Variants in PHLDB2 observed in about 807,000 individuals in gnomAD.
PHLDB2 encodes the protein pleckstrin homology like domain family B member 2, also known as pleckstrin homology-like domain family B member 2.
PHLDB2 carries 71 observed loss-of-function variants against 123.6 expected under a neutral mutation model. The observed-to-expected ratio is 0.57, with a 90% CI of 0.47 to 0.70. The LOEUF (loss-of-function observed/expected upper bound fraction) is 0.70, where lower values mean the gene tolerates loss of function less well. Among genes scored for constraint, PHLDB2 ranks in the 30% least tolerant of loss-of-function variants. PHLDB2 has a pLI of 0.00. For missense variants in PHLDB2, 1,446 were observed against 1,519.5 expected (o/e 0.95, Z 0.80); for synonymous variants, 547 against 541.6 (o/e 1.01, Z -0.14).
chr3:111,898,493 T>A (rs192372165), intron 2 of PHLDB2, among the ~76,000 whole-genome samples: 9 of 152,238 alleles, frequency 5.9e-5, no homozygotes, highest in Admixed American at 4.6e-4. Context: ...AGCAATTTTT[T>A]AAAATAAGAT....
At chr3:111,840,513 GTTTAC>G (rs1023950791) in intron 1 of PHLDB2, among the ~76,000 whole-genome samples, 5 of 151,996 alleles carry the variant, frequency 3.3e-5, no homozygotes, top group African/African-American at 1.2e-4. Context: ...TTGTAGTCTT[GTTTAC>G]ACATTAGAGT....
intron 1 of PHLDB2, among the ~76,000 whole-genome samples, chr3:111,804,772 G>A (rs2061507774): frequency 6.6e-6 from 1 of 152,196 alleles, no homozygotes; most frequent in Non-Finnish European, 1.5e-5. Flanking sequence ...AAATAACTGT[G>A]ATGCTGAACA....
At chr3:111,744,786 T>G (rs2107939206) in intron 1 of PHLDB2, among the ~76,000 whole-genome samples, 1 of 152,306 alleles carries the variant, frequency 6.6e-6, no homozygotes, top group Non-Finnish European at 1.5e-5. Flanking sequence ...TAACACAACT[T>G]CCTATATCTT....
Position 111,859,435 on chromosome 3 carries a change from G to T in PHLDB2, c.-156G>T. 1.0e-6 allele frequency: 1 copy of T among 985,560 alleles called. No homozygotes were observed. Among genetic ancestry groups the T allele is most frequent in the African/African-American group, 1.7e-5 (1 of 57,374 alleles). 61.1% of individuals were successfully genotyped at this position (985,560 alleles called of 1,614,324 possible). A position where few individuals can be genotyped will look rare whatever the true frequency, so the allele number is the denominator to read the frequency against. On this transcript the variant is annotated 5_prime_UTR_variant, in exon 1 of 18. Coordinates refer to ENST00000431670, the MANE Select transcript of PHLDB2 (RefSeq NM_001134438.2). ...GTGCCCGCCGCGGTGGTTACAAAGGGGGTCAAGAGTGCCGGACCCAGCCGC... is the reference window on the plus strand; with the variant it reads ...GTGCCCGCCGCGGTGGTTACAAAGGTGGTCAAGAGTGCCGGACCCAGCCGC...
chr3:111,796,254 T>C (rs2061157734), intron 1 of PHLDB2, among the ~76,000 whole-genome samples: 1 of 152,170 alleles, frequency 6.6e-6, no homozygotes, highest in Non-Finnish European at 1.5e-5. Context: ...TCATTTTTAC[T>C]AGATGTAGTG....
At position 111,891,483 on chromosome 3, in the gene PHLDB2, T is replaced by A. The variant is rs549921266; in HGVS notation, c.1335+6071T>A. ...ATGATCTGTCACTGTCTCCCATCAC[T>A]CCCAGATGGGGCCATCTAGTTGCAG... On this transcript the variant is annotated intron_variant, in intron 2 of 17. Transcript: ENST00000431670. Among the ~76,000 whole-genome samples the A allele has an allele frequency of 5.3e-5, 8 of 151,778 alleles. 1 individual carries two copies. The South Asian group carries it at 1.7e-3, about 32-fold the overall frequency.
chr3:111,889,079 C>T (rs1471310674), intron 2 of PHLDB2, among the ~76,000 whole-genome samples: 5 of 152,124 alleles, frequency 3.3e-5, no homozygotes, highest in Admixed American at 2.0e-4. Flanking sequence ...TAGATGAGCA[C>T]AAAGTTTATA....
At chr3:111,798,185 C>G (rs933801175) in intron 1 of PHLDB2, among the ~76,000 whole-genome samples, 2 of 152,026 alleles carry the variant, frequency 1.3e-5, no homozygotes, top group Non-Finnish European at 2.9e-5. Context: ...GAATAGAAAA[C>G]AAGGTGAACT....
Position 111,949,030 on chromosome 3 carries a change from T to C in PHLDB2, c.2586T>C (p.Thr862=), listed in dbSNP as rs749606538. 1 of 1,613,786 alleles carries C rather than the reference T, an allele frequency of 6.2e-7. No homozygotes were observed. The highest frequency in any genetic ancestry group is 1.7e-5 in the Admixed American group (1 of 59,992). Residue 862 remains threonine (T), a synonymous_variant, in exon 10 of 18, where the codon ACT becomes ACC. Transcript: ENST00000431670. ...QFPADADAVA[T]EPATAVLASQ... Reference sequence around the variant, plus strand: ...CTGCTGATGCTGATGCTGTTGCCACTGAGCCTGCCACAGCTGTGCTGGCGA... The same window carrying C: ...CTGCTGATGCTGATGCTGTTGCCACCGAGCCTGCCACAGCTGTGCTGGCGA...
chr3:111,868,977 T>G (rs1040946705), intron 1 of PHLDB2, among the ~76,000 whole-genome samples: 11 of 152,210 alleles, frequency 7.2e-5, no homozygotes, highest in African/African-American at 2.4e-4. Flanking sequence ...ATCCCTATGA[T>G]TGATGGCTTA....
intron 12 of PHLDB2, among the ~76,000 whole-genome samples, chr3:111,955,526 C>T (rs2070999422): frequency 6.6e-6 from 1 of 152,114 alleles, no homozygotes. Context: ...TTATAGCTCA[C>T]TGCAAACTCT....
At chr3:111,897,156 A>C (rs1467399748) in intron 2 of PHLDB2, among the ~76,000 whole-genome samples, 1 of 152,142 alleles carries the variant, frequency 6.6e-6, no homozygotes, top group African/African-American at 2.4e-5. Flanking sequence ...TAATTTTATC[A>C]TTTCACAATA....
intron 1 of PHLDB2, among the ~76,000 whole-genome samples, chr3:111,740,107 G>C (rs976726458): frequency 9.2e-5 from 14 of 152,078 alleles, no homozygotes; most frequent in Non-Finnish European, 1.6e-4. Flanking sequence ...GCACCAAACA[G>C]CAAGGCACAG....
rs1246241270 is a variant in PHLDB2, at chr3:111,932,361, G to A, written c.2094G>A (p.Glu698=). Residue 698 remains glutamate (E), a synonymous_variant, in exon 6 of 18, where the codon GAG becomes GAA. Coordinates refer to ENST00000431670, the MANE Select transcript of PHLDB2 (RefSeq NM_001134438.2). The part of the protein sequence containing the change: ...EQKTQLDNCP[E]SMREQLQQQL... ...AGACCCAGCTGGACAATTGTCCTGA[G>A]TCCATGAGGGAACAGTTACAACAAC... is the stretch of plus-strand genomic sequence containing the variant. The A allele has an allele frequency of 6.4e-7, 1 of 1,551,742 alleles. No individual in the cohort carries two copies. Among genetic ancestry groups the A allele is most frequent in the Non-Finnish European group, 8.7e-7 (1 of 1,146,782 alleles).
At chr3:111,805,979 G>C (rs1485225002) in intron 1 of PHLDB2, among the ~76,000 whole-genome samples, 1 of 151,300 alleles carries the variant, frequency 6.6e-6, no homozygotes, top group Non-Finnish European at 1.5e-5. Flanking sequence ...AAACAATAGA[G>C]ACAGAGAATT....
At chr3:111,794,218 T>C (rs1307867405) in intron 1 of PHLDB2, among the ~76,000 whole-genome samples, 1 of 151,650 alleles carries the variant, frequency 6.6e-6, no homozygotes, top group Admixed American at 6.6e-5. Flanking sequence ...GTCTAAATGC[T>C]CCCTCCATGG....
chr3:111,904,343 T>C (rs1175933438), intron 2 of PHLDB2, among the ~76,000 whole-genome samples: 1 of 148,078 alleles, frequency 6.8e-6, no homozygotes, highest in Non-Finnish European at 1.5e-5. Context: ...ATCATTAAAA[T>C]ATAAGATGAC....
intron 1 of PHLDB2, among the ~76,000 whole-genome samples, chr3:111,808,787 A>G (rs893132421): frequency 1.3e-5 from 2 of 152,190 alleles, no homozygotes; most frequent in Non-Finnish European, 2.9e-5. Flanking sequence ...TGTACAATTA[A>G]TGGATTTCCT....
At position 111,897,740 on chromosome 3, in the gene PHLDB2, C is replaced by A. The variant is rs561023145; in HGVS notation, c.1335+12328C>A. ...CTGAAGCTATGAAAGGTCATCTTTT[C>A]CATCAGATCACGAAGACCAAGGCTT... On this transcript the variant is annotated intron_variant, in intron 2 of 17. Coordinates refer to ENST00000431670, the MANE Select transcript of PHLDB2 (RefSeq NM_001134438.2). Among the ~76,000 whole-genome samples, 5 of 152,298 alleles carry A rather than the reference C, an allele frequency of 3.3e-5. No individual in the cohort carries two copies. In the South Asian group the frequency reaches 1.0e-3, roughly 32 times the overall value.
Sources: gnomAD v4.1 joint callset for allele counts (sites outside exome capture counted in the v4.1 genomes callset) on GRCh38, gnomAD v4.1.1 for gene constraint, MANE v1.5 for transcripts, NCBI Gene and HGNC (gene_info 2026-07-23, HGNC 2026-07-21) for gene names.